Variants in SLC24A4 observed in about 807,000 individuals in gnomAD.
SLC24A4 encodes sodium/potassium/calcium exchanger 4.
A neutral mutation model predicts 79.0 loss-of-function variants in SLC24A4; 53 were observed. The ratio of observed to expected loss-of-function variants is 0.67; its 90% CI spans 0.54 to 0.84. The LOEUF is 0.84. Ranked by LOEUF, SLC24A4 falls within the 40% of genes least tolerant of loss-of-function variation. The pLI is 0.00. For synonymous variants in SLC24A4, 323 were observed against 323.8 expected (o/e 1.00, Z 0.03); for missense variants, 731 against 822.0 (o/e 0.89, Z 1.35).
chr14:92,380,776 C>T (rs1888799490), intron 2 of SLC24A4, among the ~76,000 whole-genome samples: 2 of 152,168 alleles, frequency 1.3e-5, no homozygotes, highest in South Asian at 4.1e-4. Context: ...TGCCAGGCTG[C>T]GTGGGGAGGC....
intron 2 of SLC24A4, among the ~76,000 whole-genome samples, chr14:92,339,052 T>C (rs1301755986): frequency 6.6e-6 from 1 of 152,180 alleles, no homozygotes; most frequent in Non-Finnish European, 1.5e-5. Context: ...GTCGGTGCCT[T>C]GGGGAAGATC....
At chr14:92,332,289 CAA>C (rs990392491) in intron 2 of SLC24A4, among the ~76,000 whole-genome samples, 2 of 151,736 alleles carry the variant, frequency 1.3e-5, no homozygotes, top group African/African-American at 4.8e-5. Context: ...CTCAAAAAAA[CAA>C]AAAACAAAAA....
At chr14:92,391,510 C>T (rs1889459255) in intron 2 of SLC24A4, among the ~76,000 whole-genome samples, 1 of 152,154 alleles carries the variant, frequency 6.6e-6, no homozygotes. Context: ...ACTCCCTTAC[C>T]CCATGTGCCT....
At chr14:92,429,272 A>G (rs1370884970) in intron 2 of SLC24A4, among the ~76,000 whole-genome samples, 1 of 152,082 alleles carries the variant, frequency 6.6e-6, no homozygotes, top group Non-Finnish European at 1.5e-5. Flanking sequence ...TGATGGAACT[A>G]TTCTGTCTGA....
intron 16 of SLC24A4, among the ~76,000 whole-genome samples, 189 bp from the exon 17 acceptor site, chr14:92,493,287 C>T (rs1362494093): frequency 6.6e-6 from 1 of 152,182 alleles, no homozygotes; most frequent in Non-Finnish European, 1.5e-5. Flanking sequence ...CTCGCCCTTT[C>T]ATGGGGCAAG....
chr14:92,460,190 T>G (rs1288660608), intron 12 of SLC24A4, among the ~76,000 whole-genome samples: 1 of 151,902 alleles, frequency 6.6e-6, no homozygotes, highest in Admixed American at 6.6e-5. Flanking sequence ...GCAGGAATCC[T>G]GGGTTCAAAT....
At chr14:92,395,345 C>T (rs1439395703) in intron 2 of SLC24A4, among the ~76,000 whole-genome samples, 1 of 151,918 alleles carries the variant, frequency 6.6e-6, no homozygotes, top group African/African-American at 2.4e-5. Context: ...CTCTAGCAGC[C>T]ATTCTCAGAG....
chr14:92,431,111 C>T (rs1244418367), intron 2 of SLC24A4, among the ~76,000 whole-genome samples: 1 of 152,248 alleles, frequency 6.6e-6, no homozygotes, highest in Non-Finnish European at 1.5e-5. Context: ...CTTGCTCTTT[C>T]TCTCTTTCTC....
intron 12 of SLC24A4, among the ~76,000 whole-genome samples, chr14:92,472,637 C>T (rs1013671030): frequency 6.6e-6 from 1 of 152,058 alleles, no homozygotes; most frequent in Admixed American, 6.5e-5. Context: ...TATCTGTGAA[C>T]ATATATGTGC....
At chr14:92,367,665 A>G (rs1887929903) in intron 2 of SLC24A4, among the ~76,000 whole-genome samples, 1 of 152,254 alleles carries the variant, frequency 6.6e-6, no homozygotes, top group Non-Finnish European at 1.5e-5. Context: ...CCTACAGGAA[A>G]GGATCGGGGT....
chr14:92,367,132 A>G (rs986992114), intron 2 of SLC24A4, among the ~76,000 whole-genome samples: 1 of 152,242 alleles, frequency 6.6e-6, no homozygotes, highest in African/African-American at 2.4e-5. Flanking sequence ...GCAGGCAGAC[A>G]GGAAAAAGTG....
intron 2 of SLC24A4, among the ~76,000 whole-genome samples, chr14:92,350,904 G>C (rs575129735): frequency 5.3e-4 from 80 of 152,242 alleles, no homozygotes; most frequent in African/African-American, 1.9e-3. Flanking sequence ...TCATGAATGG[G>C]ATTAGTGCCC....
intron 2 of SLC24A4, among the ~76,000 whole-genome samples, chr14:92,354,788 T>G (rs1887083384): frequency 6.6e-6 from 1 of 152,072 alleles, no homozygotes. Context: ...AAATGTTAGA[T>G]GCTGGCTAGG....
intron 14 of SLC24A4, among the ~76,000 whole-genome samples, chr14:92,487,940 C>T (rs958127756): frequency 2.0e-5 from 3 of 152,082 alleles, no homozygotes; most frequent in Non-Finnish European, 4.4e-5. Flanking sequence ...ACACCGCATT[C>T]TTCCCTTGGT....
At chr14:92,475,848 A>G (rs1894731674) in intron 12 of SLC24A4, among the ~76,000 whole-genome samples, 1 of 152,182 alleles carries the variant, frequency 6.6e-6, no homozygotes, top group African/African-American at 2.4e-5. Flanking sequence ...ACTTTTTTAA[A>G]AAAGAAAATG....
chr14:92,345,454 A>G (rs1187740252), intron 2 of SLC24A4, among the ~76,000 whole-genome samples: 1 of 152,244 alleles, frequency 6.6e-6, no homozygotes, highest in African/African-American at 2.4e-5. Flanking sequence ...TAATCCCAGC[A>G]CTTTGGGAGG....
At chr14:92,432,350 A>AT (rs1891922686) in intron 2 of SLC24A4, among the ~76,000 whole-genome samples, 1 of 152,070 alleles carries the variant, frequency 6.6e-6, no homozygotes, top group Admixed American at 6.6e-5. Context: ...AAAACTTCTC[A>AT]TTTTTCAAAA....
intron 14 of SLC24A4, among the ~76,000 whole-genome samples, chr14:92,489,551 C>T (rs1895561108): frequency 2.0e-5 from 3 of 152,172 alleles, no homozygotes; most frequent in Admixed American, 6.5e-5. Flanking sequence ...TCCTGGCCTC[C>T]CTCCAGGCCC....
At chr14:92,346,412 G>A (rs1566702379) in intron 2 of SLC24A4, among the ~76,000 whole-genome samples, 2 of 152,150 alleles carry the variant, frequency 1.3e-5, no homozygotes, top group Admixed American at 6.5e-5. Context: ...AGTCTCTTAC[G>A]CAGGAGGCAT....
Sources: gnomAD v4.1 joint callset for allele counts (sites outside exome capture counted in the v4.1 genomes callset) on GRCh38, gnomAD v4.1.1 for gene constraint, MANE v1.5 for transcripts, NCBI Gene and HGNC (gene_info 2026-07-23, HGNC 2026-07-21) for gene names.